Variants in PIEZO1 observed in about 807,000 individuals in gnomAD.
PIEZO1 encodes piezo-type mechanosensitive ion channel component 1.
In PIEZO1, 296 loss-of-function variants were observed where a neutral mutation model predicts 297.2. The observed-to-expected ratio is 1.00, with a 90% CI of 0.91 to 1.10. The LOEUF (loss-of-function observed/expected upper bound fraction) is 1.10, where lower values mean the gene tolerates loss of function less well. PIEZO1 is among the 50% of genes least tolerant of loss of function. PIEZO1 has a pLI of 0.00. For synonymous variants in PIEZO1, 2,427 were observed against 1,507.5 expected (o/e 1.61, Z -14.13); for missense variants, 5,018 against 3,455.5 (o/e 1.45, Z -11.34).
In PIEZO1 at chr16:88,741,525, C is replaced by G. The variant is rs1163383332; in HGVS notation, c.418G>C (p.Gly140Arg). 6.5e-7 allele frequency: 1 copy of G among 1,535,694 alleles called. No homozygotes were observed. The highest frequency in any genetic ancestry group is 2.0e-5 in the Admixed American group (1 of 50,976). Reference sequence around the variant, plus strand: ...TGCCGGGTGTTCCTTGCAAGGCGCCCGCAGATGCCGAGGCAGACAGAGGAG... The same window carrying G: ...TGCCGGGTGTTCCTTGCAAGGCGCCGGCAGATGCCGAGGCAGACAGAGGAG... The part of the protein sequence containing the change: ...VVSSVCLGIC[G>R]RLARNTRQSP... The change falls in exon 5 of 51, where the codon GGG becomes CGG. Residue 140 changes from glycine (G) to arginine (R), a missense_variant. Gly to Arg is a moderately radical substitution (Grantham distance 125). Transcript: ENST00000301015.
chr16:88,737,518 C>CG (rs768343243), intron 10 of PIEZO1, 41 bp downstream of exon 10: 23 of 1,298,264 alleles, frequency 1.8e-5, no homozygotes, highest in South Asian at 1.0e-4. Flanking sequence ...CTCCGCCCCG[C>CG]CCCCCGCACC....
In PIEZO1 at chr16:88,734,370, C is replaced by A. The variant is rs568582297; in HGVS notation, c.2166G>T (p.Pro722=). ...CGGGGCCGCACCTGTGAGCCCAGCG[C>A]GGGAGGCGCGTGCCAGGCAGGGACA... ...EHVSLPGTRL[P]RWAHRQDAVS... is the part of the protein sequence containing the mutation. The change falls in exon 16 of 51, where the codon CCG becomes CCT. Residue 722 remains proline (P), a synonymous_variant. Coordinates refer to ENST00000301015, the MANE Select transcript of PIEZO1 (RefSeq NM_001142864.4). 1.3e-6 allele frequency: 2 copies of A among 1,538,926 alleles called. No individual in the cohort carries two copies. Among genetic ancestry groups the A allele is most frequent in the South Asian group, 1.2e-5 (1 of 82,258 alleles).
chr16:88,727,134 G>T lies in PIEZO1; in HGVS notation c.3360C>A (p.Arg1120=). 6.5e-7 allele frequency: 1 copy of T among 1,549,896 alleles called. No homozygotes were observed. The change falls in exon 24 of 51, where the codon CGC becomes CGA. Residue 1120 remains arginine (R), a synonymous_variant. Transcript: ENST00000301015. The part of the protein sequence containing the change: ...SQQWQVFSAE[R]TEEWQRMAGV... ...CAGCCATGCGCTGCCACTCCTCTGT[G>T]CGCTCAGCTGAGAACACCTGCCACT...
At chr16:88,721,759 G>A in intron 37 of PIEZO1, 33 bp from the exon 38 acceptor site, 1 of 1,534,864 alleles carries the variant, frequency 6.5e-7, no homozygotes, top group Non-Finnish European at 8.8e-7. Flanking sequence ...CGCGGGGAGG[G>A]TCACGGCGCG....
chr16:88,728,178 GC>G (rs1904589935), intron 22 of PIEZO1, among the ~76,000 whole-genome samples: 1 of 152,250 alleles, frequency 6.6e-6, no homozygotes, highest in African/African-American at 2.4e-5. Flanking sequence ...TGCTGACGTG[GC>G]GTTCTGATAG....
rs1240643190 is a variant in PIEZO1 at position 88,720,063 on chromosome 16, G to T, written c.6164+6C>A. 6.5e-7 allele frequency: 1 copy of T among 1,550,194 alleles called. No homozygotes were observed. The highest frequency in any genetic ancestry group is 8.7e-7 in the Non-Finnish European group (1 of 1,146,878). ...GGAGACCGAGCGCCCCCACGCGTGG[G>T]CCCACCTCTCAGTGACGGCGGGCAG... On this transcript the variant is annotated splice_donor_region_variant and intron_variant, in intron 42 of 50. Coordinates refer to ENST00000301015, the MANE Select transcript of PIEZO1 (RefSeq NM_001142864.4).
At chr16:88,746,620 G>A (rs1001478893) in intron 2 of PIEZO1, among the ~76,000 whole-genome samples, 4 of 152,136 alleles carry the variant, frequency 2.6e-5, no homozygotes, top group African/African-American at 7.2e-5. Context: ...ATAAAGCCCC[G>A]GGCACTCGGC....
At chr16:88,736,067 G>A in intron 12 of PIEZO1, 81 bp downstream of exon 12, 1 of 1,376,788 alleles carries the variant, frequency 7.3e-7, no homozygotes. Context: ...CACTCCCCCG[G>A]GCAAGTGGAC....
chr16:88,734,211 G>T, intron 16 of PIEZO1, 145 bp downstream of exon 16: 1 of 1,173,348 alleles, frequency 8.5e-7, no homozygotes, highest in Non-Finnish European at 1.2e-6. Flanking sequence ...TGACCTCCAC[G>T]CTACTGCCAT....
intron 33 of PIEZO1, 30 bp downstream of exon 33, chr16:88,723,065 C>T: frequency 1.3e-6 from 2 of 1,545,440 alleles, no homozygotes; most frequent in Non-Finnish European, 1.7e-6. Context: ...CAAGAGAGAC[C>T]TCCCACTCCC....
In PIEZO1 at chr16:88,722,174, C is replaced by G. The variant is rs561049680; in HGVS notation, c.4955+44G>C. The stretch of plus-strand genomic sequence containing the variant: ...CTCCTGCCCCTGTTCGGCTGCTCCC[C>G]GAGGGCCATGGTGAGGCTGGTGTTG... On this transcript the variant is annotated intron_variant, in intron 36 of 50. Coordinates refer to ENST00000301015, the MANE Select transcript of PIEZO1 (RefSeq NM_001142864.4). 3.3e-6 allele frequency: 5 copies of G among 1,530,360 alleles called. No homozygotes were observed. In the Admixed American group the frequency reaches 6.0e-5, roughly 18 times the overall value. 94.8% of individuals were successfully genotyped at this position (1,530,360 alleles called of 1,614,324 possible).
intron 1 of PIEZO1, among the ~76,000 whole-genome samples, chr16:88,779,240 T>C (rs545410016): frequency 2.0e-5 from 3 of 152,152 alleles, no homozygotes; most frequent in Non-Finnish European, 4.4e-5. Flanking sequence ...AGTTTTGCCA[T>C]GTTGGTCAGG....
chr16:88,715,972 T>C lies in PIEZO1; in HGVS notation c.7277A>G (p.Lys2426Arg). The C allele has an allele frequency of 6.5e-7, 1 of 1,550,010 alleles. No individual in the cohort carries two copies. The highest frequency in any genetic ancestry group is 8.7e-7 in the Non-Finnish European group (1 of 1,146,832). ...GAAGCCGAGGCTCGGTGGGCTGACC[T>C]TGTCACTGAAAATGACCATGGGCAG... ...NLLPMVIFSD[K>R]VSPPSLGFLA... The change falls in exon 50 of 51, where the codon AAG (lysine) becomes AGG (arginine). Residue 2426 changes from lysine (K) to arginine (R), a missense_variant. Coordinates refer to ENST00000301015, the MANE Select transcript of PIEZO1 (RefSeq NM_001142864.4).
Position 88,757,422 on chromosome 16 carries a change from G to C in PIEZO1, c.65-7943C>G, listed in dbSNP as rs1050492166. 2.6e-5 allele frequency among the ~76,000 whole-genome samples: 4 copies of C among 151,870 alleles called. No individual in the cohort carries two copies. The South Asian group carries it at 8.3e-4, about 32-fold the overall frequency. On this transcript the variant is annotated intron_variant, in intron 1 of 50. Coordinates refer to ENST00000301015, the MANE Select transcript of PIEZO1 (RefSeq NM_001142864.4). ...GTGTGGACACTGGCAGCCTGTGAGA[G>C]CAGGGGCGGGTGGGAACAGGTCTCC...
rs528258578 is a variant in PIEZO1, at chr16:88,733,937, G to A, written c.2298C>T (p.Ala766=). ...GCACCTGCGTGGCCTGGTGGGGAGT[G>A]GCCACGCCCAGCCCCTCGTCCCTGG... ...EDSRDEGLGV[A]TPHQATQVPE... The change falls in exon 17 of 51, where the codon GCC becomes GCT. Residue 766 remains alanine (A), a synonymous_variant. Coordinates refer to ENST00000301015, the MANE Select transcript of PIEZO1 (RefSeq NM_001142864.4). The A allele has an allele frequency of 1.9e-6, 3 of 1,538,742 alleles. No individual in the cohort carries two copies. The highest frequency in any genetic ancestry group is 2.6e-6 in the Non-Finnish European group (3 of 1,140,076).
intron 23 of PIEZO1, 39 bp downstream of exon 23, chr16:88,727,518 G>C (rs1483373847): frequency 2.0e-5 from 16 of 788,840 alleles, no homozygotes; most frequent in South Asian, 1.2e-4. Context: ...TGTACTCTGA[G>C]GGTCCTCTGC....
At chr16:88,747,231 G>GGAAAAA (rs60202339) in intron 2 of PIEZO1, among the ~76,000 whole-genome samples, 3 of 121,608 alleles carry the variant, frequency 2.5e-5, no homozygotes, top group African/African-American at 9.1e-5. Context: ...ACCCCCACTC[G>GGAAAAA]AAAAAAAAAA....
At position 88,716,485 on chromosome 16, in the gene PIEZO1, T is replaced by TG. The variant is rs1414181777; in HGVS notation, c.6927-3dup. ...ACAGTGCCTCCCTTCGCCAGGTCCC[T>TG]GGGGGTGGGAACACAGCGTGACCCA... On this transcript the variant is annotated splice_polypyrimidine_tract_variant and splice_region_variant and intron_variant, in intron 47 of 50. Transcript: ENST00000301015. The TG allele has an allele frequency of 6.5e-7, 1 of 1,545,862 alleles. No homozygotes were observed. The highest frequency in any genetic ancestry group is 1.2e-5 in the South Asian group (1 of 83,406).
intron 43 of PIEZO1, 21 bp from the exon 44 acceptor site, chr16:88,719,742 C>G: frequency 2.6e-6 from 4 of 1,550,366 alleles, no homozygotes; most frequent in Non-Finnish European, 3.5e-6. Flanking sequence ...CCAGGGTTCC[C>G]GTCAGGTGGG....
Sources: gnomAD v4.1 joint callset for allele counts (sites outside exome capture counted in the v4.1 genomes callset) on GRCh38, gnomAD v4.1.1 for gene constraint, MANE v1.5 for transcripts, NCBI Gene and HGNC (gene_info 2026-07-23, HGNC 2026-07-21) for gene names.